STAB2: variants seen among roughly 807,000 people sequenced by gnomAD.
The protein encoded by STAB2 is stabilin 2.
A neutral mutation model predicts 338.1 loss-of-function variants in STAB2; 288 were observed. The observed-to-expected ratio is 0.85, with a 90% confidence interval of 0.77 to 0.94. STAB2 has a LOEUF of 0.94. STAB2 is among the 40% of genes least tolerant of loss of function. The probability of loss-of-function intolerance (pLI) is 0.00; values close to 1 mark genes in which losing one functional copy is unlikely to be tolerated. For synonymous variants in STAB2, 1,202 were observed against 1,193.3 expected, an observed-to-expected ratio of 1.01 and a Z score of -0.15; for missense variants, 3,141 against 3,210.1, an observed-to-expected ratio of 0.98 and a Z score of 0.52.
intron 3 of STAB2, among the ~76,000 whole-genome samples, chr12:103,616,210 C>A (rs756992015): frequency 1.3e-5 from 2 of 152,188 alleles, no homozygotes; most frequent in African/African-American, 2.4e-5. Context: ...CCTCTCTGAT[C>A]AGTGTAGCCC....
chr12:103,745,346 TG>T (rs1285855510), intron 57 of STAB2, 69 bp downstream of exon 57: 3 of 1,418,398 alleles, frequency 2.1e-6, no homozygotes, highest in Non-Finnish European at 2.9e-6. Flanking sequence ...AGCATACAAG[TG>T]AGGTTGGGAG....
chr12:103,755,160 CT>C (rs1409174278), intron 61 of STAB2, 141 bp from the exon 62 acceptor site: 3 of 1,144,584 alleles, frequency 2.6e-6, no homozygotes, highest in Non-Finnish European at 3.7e-6. Context: ...TGACCACCTA[CT>C]GTGTGCCAGG....
Position 103,618,460 on chromosome 12 carries a change from T to G in STAB2, c.332-2008T>G, listed in dbSNP as rs149520529. ...AAGCCACCCAGTCTAAGACATTTTG[T>G]TATAGCAGCCTGAATTGACTAAGAC... On this transcript the variant is annotated intron_variant, in intron 3 of 68. Transcript: ENST00000388887. Among the ~76,000 whole-genome samples, 673 of 152,324 alleles carry G rather than the reference T, an allele frequency of 4.4e-3. 6 individuals carry two copies. The highest frequency in any genetic ancestry group is 5.5e-3 in the Non-Finnish European group (376 of 68,030).
chr12:103,616,765 G>T (rs924562115), intron 3 of STAB2, among the ~76,000 whole-genome samples: 1 of 152,230 alleles, frequency 6.6e-6, no homozygotes, highest in Non-Finnish European at 1.5e-5. Flanking sequence ...GGCTGGCCCT[G>T]GCTCCCAAAA....
In STAB2 at chr12:103,712,469, G is replaced by C. The variant is rs532824843; in HGVS notation, c.4411+26G>C. ...GCAAGCGAAGGAAGGAATTTGCTGG[G>C]GGGGCTGGCAAGGCTTGCACAGGCT... On this transcript the variant is annotated intron_variant, in intron 41 of 68. Coordinates refer to ENST00000388887, the MANE Select transcript of STAB2 (RefSeq NM_017564.10). 1.2e-4 allele frequency: 197 copies of C among 1,588,956 alleles called. 1 individual carries two copies. The South Asian group carries it at 1.9e-3, about 15-fold the overall frequency.
intron 56 of STAB2, among the ~76,000 whole-genome samples, chr12:103,743,571 C>A (rs1882761987): frequency 6.6e-6 from 1 of 152,190 alleles, no homozygotes; most frequent in South Asian, 2.1e-4. Flanking sequence ...GCAGGCCAAT[C>A]AAACTTTCGG....
At chr12:103,721,930 C>T (rs759674969) in intron 44 of STAB2, among the ~76,000 whole-genome samples, 2 of 152,156 alleles carry the variant, frequency 1.3e-5, no homozygotes, top group Middle Eastern at 6.8e-3. Flanking sequence ...TTTGTTGAGA[C>T]ATGTTGGTTC....
rs759358470 is a variant in STAB2 at position 103,631,594 on chromosome 12, C to T, written c.488-4C>T. 1.2e-6 allele frequency: 2 copies of T among 1,613,728 alleles called. No homozygotes were observed. Among genetic ancestry groups the T allele is most frequent in the Non-Finnish European group, 1.7e-6 (2 of 1,179,808 alleles). ...AATAAAAATCCCCCACTTTCTGTCT[C>T]CAGTGTGCAACTGTGTGCATGGGGT... On this transcript the variant is annotated splice_region_variant and splice_polypyrimidine_tract_variant and intron_variant, in intron 5 of 68. Coordinates refer to ENST00000388887, the MANE Select transcript of STAB2 (RefSeq NM_017564.10).
chr12:103,704,750 T>C, intron 36 of STAB2, 136 bp downstream of exon 36: 1 of 751,320 alleles, frequency 1.3e-6, no homozygotes, highest in Non-Finnish European at 2.1e-6. Flanking sequence ...CCTCGTTATA[T>C]TATATGCATC....
At chr12:103,756,997 ATATATATATATATAT>A (rs1566082337) in intron 63 of STAB2, among the ~76,000 whole-genome samples, 2 of 130,150 alleles carry the variant, frequency 1.5e-5, no homozygotes, top group East Asian at 2.4e-4. Context: ...AGGAGGGAAA[ATATATATATATATAT>A]ATATATATAT....
chr12:103,690,376 C>G (rs531841755), intron 29 of STAB2, 48 bp from the exon 30 acceptor site: 2 of 1,455,914 alleles, frequency 1.4e-6, no homozygotes, highest in Admixed American at 3.6e-5. Flanking sequence ...AATGATACAG[C>G]CCCATACATT....
intron 57 of STAB2, 176 bp from the exon 58 acceptor site, chr12:103,746,421 G>T: frequency 1.6e-6 from 1 of 607,988 alleles, no homozygotes; most frequent in Non-Finnish European, 3.0e-6. Flanking sequence ...AGTAATTCTA[G>T]AATCCCAGAA....
In STAB2 at chr12:103,682,067, ATTACAGTATCTGTCTCCTC is replaced by A. The variant is rs539706627; in HGVS notation, c.2806-1117_2806-1099del. 2.6e-3 allele frequency among the ~76,000 whole-genome samples: 397 copies of A among 152,138 alleles called. 1 individual carries two copies. The highest frequency in any genetic ancestry group is 9.2e-3 in the African/African-American group (380 of 41,490). ...GGAATAAGGGGACGCAGTTCAACCT[ATTACAGTATCTGTCTCCTC>A]TTACAGTATCTGTCTCCTCTCTGCT... On this transcript the variant is annotated intron_variant, in intron 25 of 68. Transcript: ENST00000388887.
At chr12:103,613,271 C>T (rs1957155367) in intron 3 of STAB2, among the ~76,000 whole-genome samples, 1 of 152,196 alleles carries the variant, frequency 6.6e-6, no homozygotes. Flanking sequence ...TTTGGCTATG[C>T]CCTGCCCACA....
At chr12:103,726,366 CCT>C (rs1388371048) in intron 46 of STAB2, among the ~76,000 whole-genome samples, 3 of 152,158 alleles carry the variant, frequency 2.0e-5, no homozygotes, top group Non-Finnish European at 4.4e-5. Flanking sequence ...GTGGCGCAGG[CCT>C]GTAGTCCCAG....
chr12:103,590,845 T>C, intron 1 of STAB2, 52 bp from the exon 2 acceptor site: 1 of 1,610,668 alleles, frequency 6.2e-7, no homozygotes, highest in Non-Finnish European at 8.5e-7. Flanking sequence ...CTAGATGTTT[T>C]GCAAGACTCT....
intron 3 of STAB2, among the ~76,000 whole-genome samples, chr12:103,597,190 C>T (rs1956889786): frequency 6.6e-6 from 1 of 152,062 alleles, no homozygotes; most frequent in Non-Finnish European, 1.5e-5. Context: ...AAAACCTCTA[C>T]TTGGCAGTAT....
intron 1 of STAB2, 143 bp from the exon 2 acceptor site, chr12:103,590,754 T>A (rs1956783582): frequency 2.2e-6 from 2 of 930,124 alleles, no homozygotes; most frequent in Non-Finnish European, 3.3e-6. Context: ...AGCAAACCAG[T>A]CATTACCAAT....
At chr12:103,749,256 C>T (rs1883365540) in intron 59 of STAB2, 100 bp downstream of exon 59, 1 of 1,280,926 alleles carries the variant, frequency 7.8e-7, no homozygotes, top group Non-Finnish European at 1.0e-6. Flanking sequence ...CTGGACTCTT[C>T]CTAAACATTT....
Sources: gnomAD v4.1 joint callset for allele counts (sites outside exome capture counted in the v4.1 genomes callset) on GRCh38, gnomAD v4.1.1 for gene constraint, MANE v1.5 for transcripts, NCBI Gene and HGNC (gene_info 2026-07-23, HGNC 2026-07-21) for gene names.